PPP1R37: variants seen among roughly 807,000 people sequenced by gnomAD.
The protein encoded by PPP1R37 is leucine rich repeat containing 68.
Under a neutral mutation model 61.0 loss-of-function variants are expected in PPP1R37, and 21 were observed. The ratio of observed to expected loss-of-function variants is 0.34; its 90% CI spans 0.24 to 0.50. The LOEUF (loss-of-function observed/expected upper bound fraction) is 0.50, where lower values mean the gene tolerates loss of function less well. Among genes scored for constraint, PPP1R37 ranks in the 20% least tolerant of loss-of-function variants. PPP1R37 has a pLI of 0.98. For synonymous variants in PPP1R37, 443 were observed against 433.5 expected, an observed-to-expected ratio of 1.02 and a Z score of -0.27; for missense variants, 910 against 952.7, an observed-to-expected ratio of 0.96 and a Z score of 0.59.
chr19:45,136,122 G>A (rs1484377047), intron 1 of PPP1R37: 1 of 152,162 alleles, frequency 6.6e-6, no homozygotes, highest in African/African-American at 2.4e-5. Flanking sequence ...AAATAGGATT[G>A]CAAAGGATGC....
chr19:45,095,171 C>T (rs1203560574), intron 1 of PPP1R37, among the ~76,000 whole-genome samples: 1 of 152,182 alleles, frequency 6.6e-6, no homozygotes, highest in East Asian at 1.9e-4. Flanking sequence ...GGGAGTCCAT[C>T]ATGAATGACA....
intron 1 of PPP1R37, among the ~76,000 whole-genome samples, chr19:45,134,701 AG>A (rs2122745772): frequency 6.6e-6 from 1 of 152,148 alleles, no homozygotes; most frequent in Admixed American, 6.5e-5. Flanking sequence ...GTGGAACTAC[AG>A]GAACCCACCA....
Position 45,145,626 on chromosome 19 carries a change from G to A in PPP1R37, c.1570G>A (p.Asp524Asn), listed in dbSNP as rs915072394. The A allele has an allele frequency of 1.3e-6, 2 of 1,536,030 alleles. No individual in the cohort carries two copies. The highest frequency in any genetic ancestry group is 2.0e-5 in the Admixed American group (1 of 50,990). The change falls in exon 11 of 13, where the codon GAC (aspartate) becomes AAC (asparagine). Residue 524 changes from aspartate to asparagine, a missense_variant. Transcript: ENST00000221462. Reference protein sequence around the residue: ...EEEEEEEGERDETPCPALVPP... With the variant: ...EEEEEEEGERNETPCPALVPP... The stretch of plus-strand genomic sequence containing the variant: ...AGAGGAGGAAGAGGAAGGGGAGAGG[G>A]ACGAGACCCCCTGTCCTGCCCTGGT...
chr19:45,095,057 G>A (rs563798799), intron 1 of PPP1R37, among the ~76,000 whole-genome samples: 4 of 152,302 alleles, frequency 2.6e-5, no homozygotes, highest in South Asian at 4.1e-4. Flanking sequence ...CTGATCTGCC[G>A]GCCCTGGGCA....
intron 1 of PPP1R37, among the ~76,000 whole-genome samples, chr19:45,114,276 C>T (rs1205264697): frequency 6.6e-6 from 1 of 152,232 alleles, no homozygotes; most frequent in East Asian, 1.9e-4. Flanking sequence ...CCAGGCTTTG[C>T]CTGTTCCCAG....
chr19:45,136,698 A>G (rs917263271), intron 1 of PPP1R37, among the ~76,000 whole-genome samples: 1 of 151,878 alleles, frequency 6.6e-6, no homozygotes, highest in African/African-American at 2.4e-5. Context: ...ACCAGGCCTG[A>G]CCTCTGGGGA....
intron 2 of PPP1R37, among the ~76,000 whole-genome samples, chr19:45,139,975 G>A (rs571548177): frequency 1.3e-5 from 2 of 152,364 alleles, no homozygotes; most frequent in East Asian, 1.9e-4. Context: ...ACTCGGTCCC[G>A]CTGGGGCAGA....
Position 45,145,736 on chromosome 19 carries a change from C to A in PPP1R37, c.1680C>A (p.Ser560=). 6.5e-7 allele frequency: 1 copy of A among 1,531,102 alleles called. No homozygotes were observed. Among genetic ancestry groups the A allele is most frequent in the Non-Finnish European group, 8.7e-7 (1 of 1,144,584 alleles). The allele number at this position is 1,531,102 out of a possible 1,614,324, so 94.8% of individuals were successfully genotyped here. Reference sequence around the variant, plus strand: ...CCACCGAGCAGCGGATTTCCGTGTCCAGCCCGGGCCGGGGCCACAAGGTGT... The same window carrying A: ...CCACCGAGCAGCGGATTTCCGTGTCAAGCCCGGGCCGGGGCCACAAGGTGT... ...STPTEQRISV[S]SPGRGHKVFV... The change falls in exon 11 of 13, where the codon TCC becomes TCA. Residue 560 remains serine (S), a synonymous_variant. Coordinates refer to ENST00000221462, the MANE Select transcript of PPP1R37 (RefSeq NM_019121.2).
Position 45,145,790 on chromosome 19 carries a change from C to T in PPP1R37, c.1734C>T (p.Pro578=), listed in dbSNP as rs1040455794. The T allele has an allele frequency of 4.6e-6, 7 of 1,505,854 alleles. No individual in the cohort carries two copies. The highest frequency in any genetic ancestry group is 5.3e-6 in the Non-Finnish European group (6 of 1,131,178). 93.3% of individuals were successfully genotyped at this position (1,505,854 alleles called of 1,614,324 possible). The change falls in exon 11 of 13, where the codon CCC becomes CCT. Residue 578 remains proline (P), a synonymous_variant. Coordinates refer to ENST00000221462, the MANE Select transcript of PPP1R37 (RefSeq NM_019121.2). ...VFVVTRVESP[P]ERAEPPASPT... ...TGGTGACCCGGGTGGAGAGCCCGCCCGAGAGGGCAGAGCCCCCTGCGTCCC... is the reference window on the plus strand; with the variant it reads ...TGGTGACCCGGGTGGAGAGCCCGCCTGAGAGGGCAGAGCCCCCTGCGTCCC...
rs1279280659 is a variant in PPP1R37 at position 45,114,468 on chromosome 19, G to A, written c.202+20941G>A. Among the ~76,000 whole-genome samples the A allele has an allele frequency of 5.9e-5, 9 of 151,300 alleles. No individual in the cohort carries two copies. The East Asian group carries it at 1.5e-3, about 26-fold the overall frequency. ...CAGCCCCCTGACCCGGGCAGCTCAT[G>A]CAGGCTTAGCTAGGACCCCACATCC... On this transcript the variant is annotated intron_variant, in intron 1 of 12. Transcript: ENST00000221462.
At chr19:45,126,003 C>T (rs554241223) in intron 1 of PPP1R37, among the ~76,000 whole-genome samples, 12 of 152,354 alleles carry the variant, frequency 7.9e-5, no homozygotes, top group African/African-American at 2.6e-4. Context: ...GTGCCCCAGG[C>T]TCCTTCCCGA....
At chr19:45,131,554 T>A (rs1302646957) in intron 1 of PPP1R37, among the ~76,000 whole-genome samples, 1 of 152,198 alleles carries the variant, frequency 6.6e-6, no homozygotes, top group Non-Finnish European at 1.5e-5. Context: ...TATGCCAGCA[T>A]CATAGGGGTG....
Position 45,143,609 on chromosome 19 carries a change from C to T in PPP1R37, c.963C>T (p.Gly321=), listed in dbSNP as rs889597221. 2 of 1,534,732 alleles carry T rather than the reference C, an allele frequency of 1.3e-6. No homozygotes were observed. The highest frequency in any genetic ancestry group is 2.7e-5 in the African/African-American group (2 of 73,030). Residue 321 remains glycine (G), a synonymous_variant, in exon 8 of 13, where the codon GGC becomes GGT. Transcript: ENST00000221462. The stretch of plus-strand genomic sequence containing the variant: ...GGAACAACCAGCTCACGCACACAGG[C>T]ATGGCCTTCCTGGGCATGACACTGG... ...VLWNNQLTHT[G]MAFLGMTLPH...
Position 45,093,424 on chromosome 19 carries a change from C to T in PPP1R37, c.99C>T (p.Pro33=), listed in dbSNP as rs746180911. 2.0e-6 allele frequency: 3 copies of T among 1,534,972 alleles called. No homozygotes were observed. The highest frequency in any genetic ancestry group is 2.6e-6 in the Non-Finnish European group (3 of 1,146,470). Residue 33 remains proline (P), a synonymous_variant, in exon 1 of 13, where the codon CCC becomes CCT. Transcript: ENST00000221462. ...CCGGGTCTCCCAGCCCCGCGTCGCCCCCCGCCGATGGGCGCCTCAAGGCTG... is the reference window on the plus strand; with the variant it reads ...CCGGGTCTCCCAGCCCCGCGTCGCCTCCCGCCGATGGGCGCCTCAAGGCTG... ...AEAGSPSPAS[P]PADGRLKAAA... is the part of the protein sequence containing the mutation.
In PPP1R37 at chr19:45,145,783, G is replaced by A. The variant is rs900314893; in HGVS notation, c.1727G>A (p.Ser576Asn). The stretch of plus-strand genomic sequence containing the variant: ...GTGTTTGTGGTGACCCGGGTGGAGA[G>A]CCCGCCCGAGAGGGCAGAGCCCCCT... ...HKVFVVTRVE[S>N]PPERAEPPAS... The change falls in exon 11 of 13, where the codon AGC (serine) becomes AAC (asparagine). Residue 576 changes from serine (S) to asparagine (N), a missense_variant. By Grantham distance (46) the Ser-to-Asn change is conservative. Around this residue, in one of 3 missense-constraint regions of PPP1R37, gnomAD observed 549 missense variants for 505.1 expected, o/e 1.09. Transcript: ENST00000221462. The A allele has an allele frequency of 3.3e-6, 5 of 1,509,212 alleles. No individual in the cohort carries two copies. In the African/African-American group the frequency reaches 6.9e-5, roughly 21 times the overall value. 93.5% of individuals were successfully genotyped at this position (1,509,212 alleles called of 1,614,324 possible).
At position 45,145,252 on chromosome 19, in the gene PPP1R37, A is replaced by G. The variant is rs1430048137; in HGVS notation, c.1288A>G (p.Lys430Glu). ...LRLDLDREPK[K>E]EAVKSFIETQ... ...CCTGGACCTCGACCGTGAACCCAAGAAAGAGGCGGTGAGCAGGGGACGGTC... is the reference window on the plus strand; with the variant it reads ...CCTGGACCTCGACCGTGAACCCAAGGAAGAGGCGGTGAGCAGGGGACGGTC... Residue 430 changes from lysine (K) to glutamate (E), a missense_variant, in exon 10 of 13, where the codon AAA becomes GAA. Around this residue, in one of 3 missense-constraint regions of PPP1R37, gnomAD observed 549 missense variants for 505.1 expected, o/e 1.09. Coordinates refer to ENST00000221462, the MANE Select transcript of PPP1R37 (RefSeq NM_019121.2). 2.0e-6 allele frequency: 3 copies of G among 1,532,114 alleles called. No homozygotes were observed. 94.9% of individuals were successfully genotyped at this position (1,532,114 alleles called of 1,614,324 possible). A position where few individuals can be genotyped will look rare whatever the true frequency, so the allele number is the denominator to read the frequency against.
In PPP1R37 at chr19:45,145,929, G is replaced by A; in HGVS notation, c.1873G>A (p.Glu625Lys). 6.5e-7 allele frequency: 1 copy of A among 1,534,040 alleles called. No individual in the cohort carries two copies. Among genetic ancestry groups the A allele is most frequent in the South Asian group, 1.2e-5 (1 of 83,970 alleles). Residue 625 changes from glutamate to lysine, a missense_variant, in exon 11 of 13, where the codon GAG (glutamate) becomes AAG (lysine). Physicochemically the swap from Glu to Lys is moderately conservative, Grantham distance 56. Around this residue, in one of 3 missense-constraint regions of PPP1R37, gnomAD observed 549 missense variants for 505.1 expected, o/e 1.09. Coordinates refer to ENST00000221462, the MANE Select transcript of PPP1R37 (RefSeq NM_019121.2). ...GTCCTCTGAGCCTCAGCCACCACCG[G>A]AGCCGCCTCGGTCAGGGCCACCACT... ...TGSSEPQPPPEPPRSGPPLPN... is the reference protein window; with the variant it reads ...TGSSEPQPPPKPPRSGPPLPN...
intron 1 of PPP1R37, among the ~76,000 whole-genome samples, chr19:45,117,319 A>G (rs1326016416): frequency 6.6e-6 from 1 of 152,148 alleles, no homozygotes; most frequent in Non-Finnish European, 1.5e-5. Context: ...GCAGACCCGG[A>G]GGCGGGAACA....
chr19:45,142,039 C>A, intron 5 of PPP1R37, 22 bp from the exon 6 acceptor site: 1 of 1,493,248 alleles, frequency 6.7e-7, no homozygotes, highest in Non-Finnish European at 8.9e-7. Context: ...AGTGCCTCAC[C>A]CCTGTCCTCT....
Sources: allele counts gnomAD v4.1 joint callset (sites outside exome capture counted in the v4.1 genomes callset), GRCh38; gene constraint gnomAD v4.1.1; regional missense constraint gnomAD v4.1.1; transcripts MANE v1.5; gene names NCBI Gene and HGNC (gene_info 2026-07-23, HGNC 2026-07-21).